Variants in MACROD2 observed in about 807,000 individuals in gnomAD.
MACROD2 encodes the protein ADP-ribose glycohydrolase MACROD2.
In MACROD2, 36 loss-of-function variants were observed where a neutral mutation model predicts 70.4. The observed-to-expected ratio is 0.51, with a 90% CI of 0.39 to 0.68. MACROD2 has a LOEUF of 0.68. MACROD2 is among the 30% of genes least tolerant of loss of function. The pLI, the probability that MACROD2 is intolerant of heterozygous loss-of-function variation, is 0.00. For missense variants in MACROD2, 496 were observed against 538.4 expected (o/e 0.92, Z 0.78); for synonymous variants, 172 against 178.8 (o/e 0.96, Z 0.30).
At chr20:14,446,699 A>G (rs1045582529) in intron 3 of MACROD2, among the ~76,000 whole-genome samples, 2 of 152,118 alleles carry the variant, frequency 1.3e-5, no homozygotes, top group African/African-American at 4.8e-5. Context: ...TTTGTGTAAG[A>G]ATTCTCTCAG....
At chr20:14,449,941 G>A (rs1437060708) in intron 3 of MACROD2, among the ~76,000 whole-genome samples, 1 of 152,078 alleles carries the variant, frequency 6.6e-6, no homozygotes, top group Non-Finnish European at 1.5e-5. Flanking sequence ...AGGAAGTGTT[G>A]ACAGGTAGGT....
At chr20:14,696,987 A>T (rs1328990813) in intron 5 of MACROD2, among the ~76,000 whole-genome samples, 1 of 152,178 alleles carries the variant, frequency 6.6e-6, no homozygotes, top group Non-Finnish European at 1.5e-5. Context: ...TGTAGAACAT[A>T]TATTTCCTTC....
chr20:14,650,156 A>C (rs1228331639), intron 4 of MACROD2, among the ~76,000 whole-genome samples: 1 of 152,154 alleles, frequency 6.6e-6, no homozygotes, highest in Non-Finnish European at 1.5e-5. Flanking sequence ...TATGCAAAAA[A>C]CTGTCTCCCC....
At chr20:14,155,498 C>G (rs1011452833) in intron 3 of MACROD2, among the ~76,000 whole-genome samples, 2 of 152,032 alleles carry the variant, frequency 1.3e-5, no homozygotes, top group African/African-American at 2.4e-5. Flanking sequence ...TACTTTTTTG[C>G]CTTTTTGAAG....
intron 5 of MACROD2, among the ~76,000 whole-genome samples, chr20:15,064,240 C>T (rs1233458012): frequency 6.6e-6 from 1 of 152,138 alleles, no homozygotes; most frequent in Non-Finnish European, 1.5e-5. Flanking sequence ...TTCTCCAGCT[C>T]ACCTCTCTAG....
At chr20:15,294,469 G>A (rs1481704538) in intron 6 of MACROD2, among the ~76,000 whole-genome samples, 1 of 152,114 alleles carries the variant, frequency 6.6e-6, no homozygotes. Flanking sequence ...ACCCAAGATA[G>A]CACATGTATG....
Position 14,218,350 on chromosome 20 carries a change from G to A in MACROD2, c.271+132622G>A, listed in dbSNP as rs910413949. ...ATAGCTACCCCTGCTCACTTTTGGTGTCCATTTTCATGAAATGCCTTTTTC... is the reference window on the plus strand; with the variant it reads ...ATAGCTACCCCTGCTCACTTTTGGTATCCATTTTCATGAAATGCCTTTTTC... On this transcript the variant is annotated intron_variant, in intron 3 of 17. Transcript: ENST00000684519. Among the ~76,000 whole-genome samples the A allele has an allele frequency of 2.0e-5, 3 of 152,278 alleles. No homozygotes were observed. In the South Asian group the frequency reaches 6.2e-4, roughly 32 times the overall value.
At chr20:14,271,654 G>T (rs574511739) in intron 3 of MACROD2, among the ~76,000 whole-genome samples, 1 of 152,340 alleles carries the variant, frequency 6.6e-6, no homozygotes, top group African/African-American at 2.4e-5. Context: ...GAATGACTTT[G>T]ACGAGTTGAG....
At position 14,707,847 on chromosome 20, in the gene MACROD2, A is replaced by T. The variant is rs188714602; in HGVS notation, c.418+22888A>T. On this transcript the variant is annotated intron_variant, in intron 5 of 17. Transcript: ENST00000684519. ...AATATTTAATTATCCATTATTTTGA[A>T]TTCCACATTAAAATAATACTCATAA... 4.1e-4 allele frequency among the ~76,000 whole-genome samples: 62 copies of T among 152,338 alleles called. No homozygotes were observed. In the East Asian group the frequency reaches 7.5e-3, roughly 18 times the overall value.
At chr20:14,214,348 T>G (rs2081596722) in intron 3 of MACROD2, among the ~76,000 whole-genome samples, 1 of 152,144 alleles carries the variant, frequency 6.6e-6, no homozygotes. Flanking sequence ...TTCTTTCAAG[T>G]GTGAACTCCA....
At chr20:15,645,190 C>T (rs534348493) in intron 8 of MACROD2, among the ~76,000 whole-genome samples, 3 of 152,246 alleles carry the variant, frequency 2.0e-5, no homozygotes, top group Non-Finnish European at 2.9e-5. Context: ...GTTGCTGCAC[C>T]GGAATGGTGG....
intron 5 of MACROD2, among the ~76,000 whole-genome samples, chr20:14,920,065 C>T (rs2074142674): frequency 6.6e-6 from 1 of 152,182 alleles, no homozygotes; most frequent in African/African-American, 2.4e-5. Flanking sequence ...AAACAGCCGG[C>T]AGCCCTGCAG....
chr20:15,221,311 G>A (rs1206340644), intron 5 of MACROD2, among the ~76,000 whole-genome samples: 1 of 152,124 alleles, frequency 6.6e-6, no homozygotes, highest in Admixed American at 6.5e-5. Flanking sequence ...TGCTATTGAA[G>A]CACTAGAAAT....
At chr20:15,875,528 A>G (rs1231309153) in intron 9 of MACROD2, among the ~76,000 whole-genome samples, 2 of 152,060 alleles carry the variant, frequency 1.3e-5, no homozygotes, top group African/African-American at 4.8e-5. Flanking sequence ...AACCATTTCC[A>G]CTTGATGGGC....
intron 5 of MACROD2, among the ~76,000 whole-genome samples, chr20:14,735,316 A>T (rs2071650129): frequency 6.6e-6 from 1 of 152,202 alleles, no homozygotes; most frequent in Admixed American, 6.5e-5. Context: ...TAAAAATTAG[A>T]CAATGAACTT....
chr20:15,727,702 T>A (rs1212641632), intron 8 of MACROD2, among the ~76,000 whole-genome samples: 1 of 152,166 alleles, frequency 6.6e-6, no homozygotes, highest in Non-Finnish European at 1.5e-5. Context: ...TTGTGGCTCT[T>A]ATGAATGGGA....
chr20:14,629,973 A>ATCTATCTATCTATCTC (rs1568709375), intron 4 of MACROD2, among the ~76,000 whole-genome samples: 1 of 151,796 alleles, frequency 6.6e-6, no homozygotes, highest in African/African-American at 2.4e-5. Context: ...CTATCTATCT[A>ATCTATCTATCTATCTC]TCTATCTATC....
intron 3 of MACROD2, among the ~76,000 whole-genome samples, chr20:14,469,581 T>C (rs2123042496): frequency 6.6e-6 from 1 of 152,204 alleles, no homozygotes; most frequent in South Asian, 2.1e-4. Flanking sequence ...GTAGGTTTGG[T>C]CTTTTCACAT....
chr20:14,781,800 AT>A (rs771949280), intron 5 of MACROD2, among the ~76,000 whole-genome samples: 1 of 152,034 alleles, frequency 6.6e-6, no homozygotes, highest in Non-Finnish European at 1.5e-5. Context: ...TATGATTTTT[AT>A]TATCATAGAA....
Sources: gnomAD v4.1 joint callset for allele counts (sites outside exome capture counted in the v4.1 genomes callset) on GRCh38, gnomAD v4.1.1 for gene constraint, MANE v1.5 for transcripts, NCBI Gene and HGNC (gene_info 2026-07-23, HGNC 2026-07-21) for gene names.